BCAT1: variants seen among roughly 807,000 people sequenced by gnomAD.
BCAT1 encodes the protein branched-chain-amino-acid aminotransferase, cytosolic.
Under a neutral mutation model 52.4 loss-of-function variants are expected in BCAT1, and 48 were observed. That is an observed-to-expected ratio of 0.92 (90% CI 0.73 to 1.16). The LOEUF (loss-of-function observed/expected upper bound fraction) is 1.16. Ranked by LOEUF, BCAT1 falls within the 50% of genes most tolerant of loss-of-function variation. The pLI, the probability that BCAT1 is intolerant of heterozygous loss-of-function variation, is 0.00. For synonymous variants in BCAT1, 167 were observed against 161.3 expected, an observed-to-expected ratio of 1.04 and a Z score of -0.27; for missense variants, 451 against 457.1, an observed-to-expected ratio of 0.99 and a Z score of 0.12.
chr12:24,867,594 G>T (rs2139546856), intron 5 of BCAT1, among the ~76,000 whole-genome samples: 1 of 152,276 alleles, frequency 6.6e-6, no homozygotes, highest in East Asian at 1.9e-4. Context: ...CAGGAGCATG[G>T]CATGTATTTG....
chr12:24,914,243 G>T (rs1172193530), intron 1 of BCAT1, among the ~76,000 whole-genome samples: 2 of 151,940 alleles, frequency 1.3e-5, no homozygotes, highest in East Asian at 3.9e-4. Context: ...TACTATGCCC[G>T]GCTAATTTTT....
Position 24,842,002 on chromosome 12 carries a change from T to C in BCAT1, c.817+80A>G, listed in dbSNP as rs1322174215. 6.0e-6 allele frequency: 9 copies of C among 1,497,358 alleles called. No individual in the cohort carries two copies. The Admixed American group carries it at 1.6e-4, about 27-fold the overall frequency. 92.8% of individuals were successfully genotyped at this position (1,497,358 alleles called of 1,614,324 possible). A position where few individuals can be genotyped will look rare whatever the true frequency, so the allele number is the denominator to read the frequency against. On this transcript the variant is annotated intron_variant, in intron 7 of 10. Coordinates refer to ENST00000261192, the MANE Select transcript of BCAT1 (RefSeq NM_005504.7). The stretch of plus-strand genomic sequence containing the variant: ...TGGAACTGTGCTACTTACTCCCTTG[T>C]ACTAAGTTTCTAGCTCTTGTCTTTC...
chr12:24,829,540 G>A, intron 10 of BCAT1, among the ~76,000 whole-genome samples: 1 of 151,910 alleles, frequency 6.6e-6, no homozygotes, highest in South Asian at 2.1e-4. Flanking sequence ...ATTTTTAAAT[G>A]TTACCAAAAA....
chr12:24,871,701 G>C (rs563729764), intron 5 of BCAT1, among the ~76,000 whole-genome samples: 1 of 152,204 alleles, frequency 6.6e-6, no homozygotes, highest in African/African-American at 2.4e-5. Flanking sequence ...TAATAACCTG[G>C]TGTACCTAAA....
At chr12:24,836,896 A>AGGAGG in intron 7 of BCAT1, among the ~76,000 whole-genome samples, 1 of 59,366 alleles carries the variant, frequency 1.7e-5, no homozygotes, top group African/African-American at 6.8e-5. Context: ...AAAGAAAGAA[A>AGGAGG]GAAAAGAAAG....
intron 1 of BCAT1, among the ~76,000 whole-genome samples, chr12:24,916,971 A>T (rs1943420465): frequency 6.6e-6 from 1 of 152,242 alleles, no homozygotes; most frequent in African/African-American, 2.4e-5. Flanking sequence ...TCACAGAAGT[A>T]TACTTTACCC....
intron 2 of BCAT1, among the ~76,000 whole-genome samples, chr12:24,897,307 A>T (rs1404933278): frequency 1.3e-5 from 2 of 152,232 alleles, no homozygotes; most frequent in Admixed American, 1.3e-4. Context: ...AGAGAGATCA[A>T]ATTAGCGGCA....
intron 6 of BCAT1, among the ~76,000 whole-genome samples, chr12:24,849,347 C>T (rs932298449): frequency 4.6e-5 from 7 of 152,250 alleles, no homozygotes; most frequent in Admixed American, 6.5e-5. Flanking sequence ...AAGCGGGCAC[C>T]TTCCCCAGAC....
Position 24,810,546 on chromosome 12 carries a change from G to C in BCAT1, c.*7462C>G, listed in dbSNP as rs1939647937. 1 of 152,088 alleles carries C rather than the reference G, an allele frequency of 6.6e-6. No homozygotes were observed. The highest frequency in any genetic ancestry group is 2.4e-5 in the African/African-American group (1 of 41,402). The allele number at this position is 152,088 out of a possible 1,614,324, so 9.4% of individuals were successfully genotyped here. The stretch of plus-strand genomic sequence containing the variant: ...TATGTCATCACCCTCAGGAATGACA[G>C]GTCTCTCTTTCTCACGCTTGTGGGA... On this transcript the variant is annotated 3_prime_UTR_variant, in exon 11 of 11. Transcript: ENST00000261192.
At chr12:24,832,971 C>A (rs1940749757) in intron 8 of BCAT1, 108 bp from the exon 9 acceptor site, 4 of 1,188,256 alleles carry the variant, frequency 3.4e-6, no homozygotes, top group Non-Finnish European at 3.5e-6. Context: ...TAGACAAGGT[C>A]ACAATCATCC....
intron 1 of BCAT1, among the ~76,000 whole-genome samples, chr12:24,947,032 T>C (rs1238702169): frequency 1.3e-5 from 2 of 152,092 alleles, no homozygotes; most frequent in Admixed American, 1.3e-4. Context: ...CCCACCTCTT[T>C]TTTTCCTTTT....
At chr12:24,942,343 C>T (rs1943862142) in intron 1 of BCAT1, among the ~76,000 whole-genome samples, 1 of 152,024 alleles carries the variant, frequency 6.6e-6, no homozygotes, top group Non-Finnish European at 1.5e-5. Flanking sequence ...GAGTTCTAGA[C>T]CAGCCTGGCC....
At chr12:24,838,187 C>T (rs1941061362) in intron 7 of BCAT1, among the ~76,000 whole-genome samples, 1 of 152,152 alleles carries the variant, frequency 6.6e-6, no homozygotes. Flanking sequence ...ATCTGGAATA[C>T]CAAACTCTAT....
intron 6 of BCAT1, among the ~76,000 whole-genome samples, chr12:24,846,093 C>A (rs184956762): frequency 1.1e-4 from 17 of 152,292 alleles, no homozygotes; most frequent in South Asian, 2.1e-4. Context: ...CTTCTAAATA[C>A]AAATGCATAC....
At position 24,814,279 on chromosome 12, in the gene BCAT1, G is replaced by A. The variant is rs1361641311; in HGVS notation, c.*3729C>T. On this transcript the variant is annotated 3_prime_UTR_variant, in exon 11 of 11. Coordinates refer to ENST00000261192, the MANE Select transcript of BCAT1 (RefSeq NM_005504.7). The stretch of plus-strand genomic sequence containing the variant: ...TTCTCTAACCCTTAACTCTTCTGCC[G>A]GCTTACTTGGTACCTCTGATGAATA... 1 of 151,964 alleles carries A rather than the reference G, an allele frequency of 6.6e-6. No individual in the cohort carries two copies. The highest frequency in any genetic ancestry group is 2.4e-5 in the African/African-American group (1 of 41,404). The allele number at this position is 151,964 out of a possible 1,614,324, so 9.4% of individuals were successfully genotyped here. A position where few individuals can be genotyped will look rare whatever the true frequency, so the allele number is the denominator to read the frequency against.
At chr12:24,827,448 T>C (rs944079086) in intron 10 of BCAT1, among the ~76,000 whole-genome samples, 3 of 152,158 alleles carry the variant, frequency 2.0e-5, no homozygotes, top group Non-Finnish European at 2.9e-5. Flanking sequence ...AAAATTCTCA[T>C]AGAAAACCTT....
intron 1 of BCAT1, among the ~76,000 whole-genome samples, chr12:24,927,878 A>G (rs1943616295): frequency 1.3e-5 from 2 of 152,210 alleles, no homozygotes; most frequent in African/African-American, 4.8e-5. Flanking sequence ...CCCACTTTCA[A>G]AAATCTACCA....
chr12:24,921,109 C>T (rs771230731), intron 1 of BCAT1, among the ~76,000 whole-genome samples: 25 of 152,024 alleles, frequency 1.6e-4, no homozygotes, highest in Admixed American at 1.6e-3. Flanking sequence ...TTAGAAGCTC[C>T]CCAGTCCATT....
At chr12:24,925,968 G>C (rs1036887863) in intron 1 of BCAT1, among the ~76,000 whole-genome samples, 1 of 152,190 alleles carries the variant, frequency 6.6e-6, no homozygotes, top group African/African-American at 2.4e-5. Context: ...CGCCTGCCTT[G>C]GCCTCCCAAA....
Sources: allele counts gnomAD v4.1 joint callset (sites outside exome capture counted in the v4.1 genomes callset), GRCh38; gene constraint gnomAD v4.1.1; transcripts MANE v1.5; gene names NCBI Gene and HGNC (gene_info 2026-07-23, HGNC 2026-07-21).